The following CCNB1IP1 variants were observed in gnomAD, a reference collection of about 807,000 sequenced individuals.
CCNB1IP1 encodes the protein cyclin B1 interacting protein 1, also known as E3 ubiquitin-protein ligase CCNB1IP1.
A neutral mutation model predicts 25.6 loss-of-function variants in CCNB1IP1; 14 were observed. The observed-to-expected ratio is 0.55, with a 90% CI of 0.36 to 0.85. CCNB1IP1 has a LOEUF of 0.85. Among genes scored for constraint, CCNB1IP1 ranks in the 40% least tolerant of loss-of-function variants. The probability of loss-of-function intolerance (pLI) is 0.01; values close to 1 mark genes in which losing one functional copy is unlikely to be tolerated. For missense variants in CCNB1IP1, 278 were observed against 342.4 expected (o/e 0.81, Z 1.48); for synonymous variants, 119 against 116.1 (o/e 1.02, Z -0.16).
intron 2 of CCNB1IP1, among the ~76,000 whole-genome samples, chr14:20,328,774 T>G (rs1455225913): frequency 6.6e-6 from 1 of 152,222 alleles, no homozygotes; most frequent in African/African-American, 2.4e-5. Context: ...AAATATGTGA[T>G]ACCTTTCCCA....
Position 20,329,635 on chromosome 14 carries a change from T to A in CCNB1IP1, c.-430-262A>T, listed in dbSNP as rs547046734. On this transcript the variant is annotated intron_variant, in intron 1 of 6. Coordinates refer to ENST00000358932, the MANE Select transcript of CCNB1IP1 (RefSeq NM_021178.5). ...TCCGTATCTTGGCTTTTGTGAATAATGATGCAATGAACATGGGAGTATAGG... is the reference window on the plus strand; with the variant it reads ...TCCGTATCTTGGCTTTTGTGAATAAAGATGCAATGAACATGGGAGTATAGG... 2.6e-5 allele frequency among the ~76,000 whole-genome samples: 4 copies of A among 152,350 alleles called. No homozygotes were observed. In the South Asian group the frequency reaches 6.2e-4, roughly 24 times the overall value.
chr14:20,313,416 AT>A (rs1882568516), intron 6 of CCNB1IP1, 51 bp downstream of exon 6: 8 of 1,397,530 alleles, frequency 5.7e-6, no homozygotes, highest in Non-Finnish European at 7.8e-6. Context: ...GCAGAGCAGT[AT>A]AAAAAATCAT....
At chr14:20,320,445 T>C (rs1015284207) in intron 4 of CCNB1IP1, 1 of 376,086 alleles carries the variant, frequency 2.7e-6, no homozygotes, top group Non-Finnish European at 5.4e-6. Context: ...ATATTAGAAA[T>C]GTATTTCATT....
At chr14:20,315,348 A>G (rs954023990) in intron 5 of CCNB1IP1, 22 of 330,862 alleles carry the variant, frequency 6.6e-5, no homozygotes, top group Middle Eastern at 2.4e-3. Context: ...ATAAAATGGT[A>G]TAGCCACTTT....
At chr14:20,332,934 A>G (rs769631356) in intron 1 of CCNB1IP1, 1 of 152,200 alleles carries the variant, frequency 6.6e-6, no homozygotes, top group African/African-American at 2.4e-5. Flanking sequence ...TAGGATGATA[A>G]TATCTTTCCC....
At chr14:20,321,872 T>C (rs1330258032) in intron 4 of CCNB1IP1, among the ~76,000 whole-genome samples, 4 of 152,246 alleles carry the variant, frequency 2.6e-5, no homozygotes, top group African/African-American at 9.6e-5. Flanking sequence ...TACCAGACTT[T>C]CAATATTTGG....
chr14:20,332,070 TG>T (rs1883269553), intron 1 of CCNB1IP1, among the ~76,000 whole-genome samples: 1 of 115,306 alleles, frequency 8.7e-6, no homozygotes. Context: ...GTTTCGCTCT[TG>T]TTGCCCAGGC....
chr14:20,328,279 C>T (rs1162761703), intron 2 of CCNB1IP1, among the ~76,000 whole-genome samples: 4 of 152,108 alleles, frequency 2.6e-5, no homozygotes, highest in Non-Finnish European at 5.9e-5. Flanking sequence ...CATGGTACTT[C>T]CTACAGGAAA....
rs1364929451 is a variant in CCNB1IP1 at position 20,311,724 on chromosome 14, A to G, written c.660T>C (p.Asn220=). The change falls in exon 7 of 7, where the codon AAT becomes AAC. Residue 220 remains asparagine (N), a synonymous_variant. Transcript: ENST00000358932. ...LGNNSKFPLD[N]TPVRNRGDGD... ...CATCGCCCCGATTTCGAACAGGTGT[A>G]TTATCCAAAGGAAACTTGGAGTTGT... 8 of 1,614,146 alleles carry G rather than the reference A, an allele frequency of 5.0e-6. No individual in the cohort carries two copies. The highest frequency in any genetic ancestry group is 6.8e-6 in the Non-Finnish European group (8 of 1,180,010).
At chr14:20,328,918 T>C (rs1328819009) in intron 2 of CCNB1IP1, among the ~76,000 whole-genome samples, 3 of 152,254 alleles carry the variant, frequency 2.0e-5, no homozygotes, top group Non-Finnish European at 4.4e-5. Context: ...CAGCATTTTG[T>C]TGACTGTGGG....
At position 20,311,731 on chromosome 14, in the gene CCNB1IP1, A is replaced by G. The variant is rs1594272293; in HGVS notation, c.653T>C (p.Leu218Ser). The G allele has an allele frequency of 6.2e-7, 1 of 1,614,108 alleles. No individual in the cohort carries two copies. The highest frequency in any genetic ancestry group is 8.5e-7 in the Non-Finnish European group (1 of 1,179,988). Residue 218 changes from leucine to serine, a missense_variant, in exon 7 of 7, where the codon TTG becomes TCG. Coordinates refer to ENST00000358932, the MANE Select transcript of CCNB1IP1 (RefSeq NM_021178.5). ...FPLGNNSKFPLDNTPVRNRGD... is the reference protein window; with the variant it reads ...FPLGNNSKFPSDNTPVRNRGD... ...CCGATTTCGAACAGGTGTATTATCC[A>G]AAGGAAACTTGGAGTTGTTACCTAG...
At chr14:20,321,046 G>T (rs1201117050) in intron 4 of CCNB1IP1, among the ~76,000 whole-genome samples, 2 of 151,280 alleles carry the variant, frequency 1.3e-5, no homozygotes, top group African/African-American at 4.9e-5. Flanking sequence ...GCTGAGGCAG[G>T]AGAATAGCTT....
At chr14:20,316,158 G>A in intron 5 of CCNB1IP1, 69 bp downstream of exon 5, 1 of 1,350,890 alleles carries the variant, frequency 7.4e-7, no homozygotes, top group South Asian at 1.5e-5. Context: ...TACAATGAAG[G>A]AAAGACACTA....
At chr14:20,332,439 G>A (rs1883281127) in intron 1 of CCNB1IP1, among the ~76,000 whole-genome samples, 1 of 152,100 alleles carries the variant, frequency 6.6e-6, no homozygotes, top group South Asian at 2.1e-4. Context: ...AATACTTGCT[G>A]TAAATAAATA....
intron 1 of CCNB1IP1, among the ~76,000 whole-genome samples, chr14:20,332,485 T>C (rs149421672): frequency 6.6e-6 from 1 of 152,222 alleles, no homozygotes; most frequent in Non-Finnish European, 1.5e-5. Context: ...TAACATTTAT[T>C]ACACACCAAC....
chr14:20,317,845 A>C (rs1024897319), intron 4 of CCNB1IP1: 3 of 152,278 alleles, frequency 2.0e-5, no homozygotes, highest in Non-Finnish European at 2.9e-5. Context: ...CCACAGCTCC[A>C]CAAGCGAAGA....
chr14:20,316,865 T>C (rs544833849), intron 4 of CCNB1IP1, among the ~76,000 whole-genome samples: 105 of 152,306 alleles, frequency 6.9e-4, no homozygotes, highest in African/African-American at 2.5e-3. Context: ...CCCAGCACTT[T>C]GGGAAGCCAA....
chr14:20,331,784 C>T (rs1883241214), intron 1 of CCNB1IP1, among the ~76,000 whole-genome samples: 1 of 151,108 alleles, frequency 6.6e-6, no homozygotes, highest in South Asian at 2.1e-4. Flanking sequence ...ACTCATGGAA[C>T]TTAAGTGGAA....
intron 4 of CCNB1IP1, among the ~76,000 whole-genome samples, chr14:20,316,999 C>T (rs1882722045): frequency 6.6e-6 from 1 of 152,154 alleles, no homozygotes; most frequent in South Asian, 2.1e-4. Flanking sequence ...ATCCCAGCTA[C>T]TCGGGAGGCT....
Sources: gnomAD v4.1 joint callset for allele counts (sites outside exome capture counted in the v4.1 genomes callset) on GRCh38, gnomAD v4.1.1 for gene constraint, MANE v1.5 for transcripts, NCBI Gene and HGNC (gene_info 2026-07-23, HGNC 2026-07-21) for gene names.